The following SGIP1 variants were observed in gnomAD, a reference collection of about 807,000 sequenced individuals.
SGIP1 encodes the protein SH3GL interacting endocytic adaptor 1.
Under a neutral mutation model 107.5 loss-of-function variants are expected in SGIP1, and 38 were observed. The ratio of observed to expected loss-of-function variants is 0.35; its 90% confidence interval spans 0.27 to 0.46. The LOEUF (loss-of-function observed/expected upper bound fraction) is 0.46. Among genes scored for constraint, SGIP1 ranks in the 20% least tolerant of loss-of-function variants. SGIP1 has a pLI of 1.00. For missense variants in SGIP1, 929 were observed against 1,019.5 expected, an observed-to-expected ratio of 0.91 and a Z score of 1.21; for synonymous variants, 365 against 366.1, an observed-to-expected ratio of 1.00 and a Z score of 0.03.
Position 66,714,556 on chromosome 1 carries a change from A to G in SGIP1, c.1631-4738A>G, listed in dbSNP as rs570189276. Among the ~76,000 whole-genome samples the G allele has an allele frequency of 5.3e-5, 8 of 152,190 alleles. No individual in the cohort carries two copies. The East Asian group carries it at 1.2e-3, about 22-fold the overall frequency. On this transcript the variant is annotated intron_variant, in intron 18 of 24. Transcript: ENST00000371037. ...CAGTAAATATGACAGAGCCACCCAA[A>G]TCTCCAGTGAGGTTATGCTGTTTTC... is the stretch of plus-strand genomic sequence containing the variant.
intron 5 of SGIP1, among the ~76,000 whole-genome samples, chr1:66,641,985 A>T (rs2076876629): frequency 6.6e-6 from 1 of 152,244 alleles, no homozygotes; most frequent in African/African-American, 2.4e-5. Flanking sequence ...TCCTTAGCAC[A>T]TCTTGCCTGA....
intron 17 of SGIP1, 23 bp downstream of exon 17, chr1:66,690,339 T>C (rs761466210): frequency 3.7e-6 from 6 of 1,613,578 alleles, no homozygotes; most frequent in South Asian, 3.3e-5. Context: ...TCCTCTCTTT[T>C]AATCCGTTTG....
At chr1:66,653,818 G>A (rs2079187205) in intron 7 of SGIP1, among the ~76,000 whole-genome samples, 1 of 152,172 alleles carries the variant, frequency 6.6e-6, no homozygotes, top group Admixed American at 6.5e-5. Context: ...CTGCCTTGAT[G>A]TTAAATGTTA....
intron 1 of SGIP1, among the ~76,000 whole-genome samples, chr1:66,556,874 C>G (rs1450996391): frequency 2.0e-5 from 3 of 152,110 alleles, no homozygotes; most frequent in Non-Finnish European, 2.9e-5. Flanking sequence ...AAGCCTAGCT[C>G]TTAGTCACTG....
Position 66,635,985 on chromosome 1 carries a change from G to A in SGIP1, c.141G>A (p.Glu47=), listed in dbSNP as rs1232224021. ...PHEPPYNSKA[E]CAREGGKKVS... is the part of the protein sequence containing the mutation. Reference sequence around the variant, plus strand: ...AACCACCCTACAATAGCAAAGCAGAGTGTGCGCGTGAAGGAGGAAAAAAAG... The same window carrying A: ...AACCACCCTACAATAGCAAAGCAGAATGTGCGCGTGAAGGAGGAAAAAAAG... The change falls in exon 4 of 25, where the codon GAG becomes GAA. Residue 47 remains glutamate (E), a synonymous_variant. Transcript: ENST00000371037. The A allele has an allele frequency of 6.2e-7, 1 of 1,613,860 alleles. No homozygotes were observed. The highest frequency in any genetic ancestry group is 1.7e-5 in the Admixed American group (1 of 59,972).
intron 1 of SGIP1, among the ~76,000 whole-genome samples, chr1:66,601,426 A>G (rs2065801815): frequency 1.3e-5 from 2 of 152,126 alleles, no homozygotes; most frequent in South Asian, 4.1e-4. Flanking sequence ...TGCTAAAAGC[A>G]ACCTTTATAG....
rs1233871897 is a variant in SGIP1 at position 66,735,826 on chromosome 1, CAAAAAAAAAAAAAA to C, written c.2031+1962_2031+1975del. Among the ~76,000 whole-genome samples, 2 of 79,174 alleles carry C rather than the reference CAAAAAAAAAAAAAA, an allele frequency of 2.5e-5. 1 individual carries two copies. The highest frequency in any genetic ancestry group is 5.2e-5 in the Non-Finnish European group (2 of 38,378). The allele number at this position is 79,174 out of a possible 152,430, so 51.9% of individuals were successfully genotyped here. On this transcript the variant is annotated intron_variant, in intron 21 of 24. Coordinates refer to ENST00000371037, the MANE Select transcript of SGIP1 (RefSeq NM_032291.4). ...TGGGCGACAGAGCGAGACTCCGTCT[CAAAAAAAAAAAAAA>C]AAAAAAAAAAAAAAAGAGTGAGATC...
intron 7 of SGIP1, among the ~76,000 whole-genome samples, chr1:66,646,280 A>G (rs2077647810): frequency 6.6e-6 from 1 of 152,218 alleles, no homozygotes; most frequent in South Asian, 2.1e-4. Flanking sequence ...AAAAGAGCAG[A>G]CAATTATACA....
intron 1 of SGIP1, among the ~76,000 whole-genome samples, chr1:66,597,870 C>T (rs2065023524): frequency 6.6e-6 from 1 of 152,114 alleles, no homozygotes; most frequent in Admixed American, 6.5e-5. Context: ...ATGTTTTTAG[C>T]TTGCATAAAC....
chr1:66,705,507 T>G (rs1341468986), intron 18 of SGIP1, among the ~76,000 whole-genome samples: 3 of 152,168 alleles, frequency 2.0e-5, no homozygotes, highest in African/African-American at 4.8e-5. Context: ...CATGAGTTAT[T>G]TAATGTCAGT....
At chr1:66,631,083 G>GAAAGAA (rs2074526804) in intron 2 of SGIP1, among the ~76,000 whole-genome samples, 1 of 138,472 alleles carries the variant, frequency 7.2e-6, no homozygotes, top group Non-Finnish European at 1.6e-5. Context: ...AAGAAAGAAA[G>GAAAGAA]AAAGAAAGAA....
chr1:66,595,612 G>C lies in SGIP1; in HGVS notation c.11-30235G>C, dbSNP rs116996460. ...AGTTCCACTCTCAGGTTTTGTGCAT[G>C]TAAGGGAGCTTGTGCTTTTAACATT... On this transcript the variant is annotated intron_variant, in intron 1 of 24. Coordinates refer to ENST00000371037, the MANE Select transcript of SGIP1 (RefSeq NM_032291.4). Among the ~76,000 whole-genome samples the C allele has an allele frequency of 1.1e-3, 160 of 152,282 alleles. 3 individuals carry two copies. The East Asian group carries it at 0.029, about 27-fold the overall frequency.
At chr1:66,692,113 C>T (rs1241883313) in intron 17 of SGIP1, among the ~76,000 whole-genome samples, 1 of 147,842 alleles carries the variant, frequency 6.8e-6, no homozygotes, top group Non-Finnish European at 1.5e-5. Flanking sequence ...GAGCCAAGAT[C>T]GTACCACTGC....
intron 2 of SGIP1, among the ~76,000 whole-genome samples, chr1:66,628,886 T>C (rs1313256227): frequency 2.0e-5 from 3 of 152,224 alleles, no homozygotes; most frequent in East Asian, 1.9e-4. Context: ...ACTTACGTGA[T>C]AGCAAAATAG....
intron 21 of SGIP1, among the ~76,000 whole-genome samples, chr1:66,734,563 G>T (rs1450144669): frequency 6.7e-6 from 1 of 148,658 alleles, no homozygotes; most frequent in Non-Finnish European, 1.5e-5. Flanking sequence ...GGAGTGCAGT[G>T]GCACAATCTT....
At chr1:66,637,455 TTGTG>T (rs879668501) in intron 4 of SGIP1, among the ~76,000 whole-genome samples, 502 of 38,448 alleles carry the variant, frequency 0.013, 3 homozygotes, top group South Asian at 0.037. Flanking sequence ...GTGTGTGTGT[TTGTG>T]TGTGTGTGTG....
At chr1:66,538,402 C>T (rs1243458278) in intron 1 of SGIP1, among the ~76,000 whole-genome samples, 1 of 152,132 alleles carries the variant, frequency 6.6e-6, no homozygotes, top group Admixed American at 6.5e-5. Context: ...CTCATCTTCT[C>T]CAGTGTTCTG....
intron 1 of SGIP1, among the ~76,000 whole-genome samples, chr1:66,621,962 G>A (rs1304858397): frequency 6.6e-6 from 1 of 152,168 alleles, no homozygotes; most frequent in Non-Finnish European, 1.5e-5. Context: ...AGTAGAGTCT[G>A]AAGGTTTTTG....
chr1:66,567,824 T>C (rs1338884043), intron 1 of SGIP1, among the ~76,000 whole-genome samples: 1 of 152,010 alleles, frequency 6.6e-6, no homozygotes, highest in Admixed American at 6.6e-5. Context: ...AGATGTGTGG[T>C]GTTATTTCTG....
Sources: allele counts gnomAD v4.1 joint callset (sites outside exome capture counted in the v4.1 genomes callset), GRCh38; gene constraint gnomAD v4.1.1; transcripts MANE v1.5; gene names NCBI Gene and HGNC (gene_info 2026-07-23, HGNC 2026-07-21).